Variants in JARID2 observed in about 807,000 individuals in gnomAD.
JARID2 encodes the protein jumonji and AT-rich interaction domain containing 2, also known as protein Jumonji.
A neutral mutation model predicts 125.6 loss-of-function variants in JARID2; 21 were observed. The ratio of observed to expected loss-of-function variants is 0.17; its 90% CI spans 0.12 to 0.24. JARID2 has a LOEUF of 0.24. Ranked by LOEUF, JARID2 falls within the 10% of genes least tolerant of loss-of-function variation. The probability of loss-of-function intolerance (pLI) is 1.00; values close to 1 mark genes in which losing one functional copy is unlikely to be tolerated. For synonymous variants in JARID2, 736 were observed against 661.6 expected, an observed-to-expected ratio of 1.11 and a Z score of -1.73; for missense variants, 1,303 against 1,639.6, an observed-to-expected ratio of 0.79 and a Z score of 3.55.
intron 4 of JARID2, among the ~76,000 whole-genome samples, chr6:15,461,681 G>A (rs984403915): frequency 7.9e-5 from 12 of 152,104 alleles, no homozygotes; most frequent in African/African-American, 2.9e-4. Flanking sequence ...TTATACCTAT[G>A]AGCATAATAA....
chr6:15,456,482 GTTA>G (rs1768181687), intron 4 of JARID2, among the ~76,000 whole-genome samples: 1 of 152,062 alleles, frequency 6.6e-6, no homozygotes, highest in Non-Finnish European at 1.5e-5. Context: ...AATAGGCTTT[GTTA>G]TTTGTTTTTC....
At chr6:15,406,802 G>A (rs539732599) in intron 2 of JARID2, among the ~76,000 whole-genome samples, 1 of 152,322 alleles carries the variant, frequency 6.6e-6, no homozygotes, top group Admixed American at 6.5e-5. Flanking sequence ...TGAGAGGGTG[G>A]TTGGGGAGAA....
chr6:15,271,726 A>G (rs1561759857), intron 1 of JARID2, among the ~76,000 whole-genome samples: 1 of 152,082 alleles, frequency 6.6e-6, no homozygotes, highest in East Asian at 1.9e-4. Flanking sequence ...CGGGCCAAGC[A>G]CAGTGGCTCA....
chr6:15,427,423 T>G (rs573975896), intron 3 of JARID2, among the ~76,000 whole-genome samples: 94 of 152,152 alleles, frequency 6.2e-4, no homozygotes, highest in Admixed American at 1.2e-3. Context: ...TTTTTATTAC[T>G]GCAGTGGCCA....
intron 2 of JARID2, among the ~76,000 whole-genome samples, chr6:15,385,116 A>G (rs1037048948): frequency 2.6e-5 from 4 of 152,172 alleles, no homozygotes; most frequent in Admixed American, 2.0e-4. Flanking sequence ...AAAGCGAAAT[A>G]TCCTCATGGC....
intron 3 of JARID2, among the ~76,000 whole-genome samples, chr6:15,427,940 A>G (rs1420733063): frequency 6.6e-6 from 1 of 151,540 alleles, no homozygotes; most frequent in Non-Finnish European, 1.5e-5. Flanking sequence ...TTGACTGCCT[A>G]GTGCAATTGC....
chr6:15,337,845 A>G (rs1259223728), intron 1 of JARID2, among the ~76,000 whole-genome samples: 2 of 152,322 alleles, frequency 1.3e-5, no homozygotes, highest in South Asian at 2.1e-4. Context: ...CTACACAGAT[A>G]CAAACAGCCT....
chr6:15,377,696 CT>C (rs113284171), intron 2 of JARID2, among the ~76,000 whole-genome samples: 126 of 145,968 alleles, frequency 8.6e-4, no homozygotes, highest in East Asian at 1.2e-3. Context: ...CATGGTGGCA[CT>C]TTTTTTTTTT....
chr6:15,398,906 T>C (rs1765316444), intron 2 of JARID2, among the ~76,000 whole-genome samples: 1 of 152,220 alleles, frequency 6.6e-6, no homozygotes, highest in African/African-American at 2.4e-5. Flanking sequence ...TTTCTACTTT[T>C]CTTACCAACC....
chr6:15,485,531 A>G (rs1396436247), intron 5 of JARID2, among the ~76,000 whole-genome samples: 2 of 142,922 alleles, frequency 1.4e-5, no homozygotes, highest in Non-Finnish European at 2.9e-5. Context: ...CTTATCTTAC[A>G]TATTCTTAGC....
At chr6:15,278,862 C>G (rs1419257116) in intron 1 of JARID2, among the ~76,000 whole-genome samples, 1 of 152,030 alleles carries the variant, frequency 6.6e-6, no homozygotes, top group South Asian at 2.1e-4. Flanking sequence ...TGAGGTCAGG[C>G]GTTCGAGATT....
At chr6:15,380,680 C>G (rs866752413) in intron 2 of JARID2, among the ~76,000 whole-genome samples, 28 of 152,180 alleles carry the variant, frequency 1.8e-4, no homozygotes, top group African/African-American at 6.5e-4. Flanking sequence ...CCAACACCCC[C>G]CAAGCCCCCT....
intron 2 of JARID2, among the ~76,000 whole-genome samples, chr6:15,402,575 C>T (rs1317203880): frequency 6.6e-6 from 1 of 152,120 alleles, no homozygotes; most frequent in Non-Finnish European, 1.5e-5. Flanking sequence ...AAAAAAATGC[C>T]CTTGTGTTTC....
chr6:15,461,478 G>C (rs1474588), intron 4 of JARID2, among the ~76,000 whole-genome samples: 61,025 of 151,994 alleles, frequency 0.4, 12,499 homozygotes, highest in African/African-American at 0.48. Flanking sequence ...GACTGGCCAT[G>C]CATCTAGGAG....
intron 1 of JARID2, among the ~76,000 whole-genome samples, chr6:15,345,344 A>G (rs180925932): frequency 6.6e-6 from 1 of 152,212 alleles, no homozygotes; most frequent in East Asian, 1.9e-4. Context: ...CAACTCTGAT[A>G]TGGAAACCTG....
In JARID2 at chr6:15,357,056, A is replaced by T. The variant is rs546983273; in HGVS notation, c.46-17061A>T. On this transcript the variant is annotated intron_variant, in intron 1 of 17. Transcript: ENST00000341776. ...CAACAAAAAACTTTGTTCGTTTCAC[A>T]GTTACTTGGCTATGTGTTCTAAGTA... Among the ~76,000 whole-genome samples, 6 of 152,306 alleles carry T rather than the reference A, an allele frequency of 3.9e-5. No homozygotes were observed. In the East Asian group the frequency reaches 1.2e-3, roughly 29 times the overall value.
chr6:15,437,809 A>AAAAAG (rs1015903155), intron 3 of JARID2, among the ~76,000 whole-genome samples: 1 of 152,112 alleles, frequency 6.6e-6, no homozygotes, highest in Non-Finnish European at 1.5e-5. Flanking sequence ...TCTCAAAAAA[A>AAAAAG]AAAAGAAAGA....
intron 7 of JARID2, among the ~76,000 whole-genome samples, chr6:15,499,310 C>T (rs971137066): frequency 2.8e-4 from 43 of 152,326 alleles, no homozygotes; most frequent in African/African-American, 1.9e-4. Flanking sequence ...AGGGAGCCGC[C>T]GTGCCGCTGG....
At chr6:15,294,202 T>G (rs1761325601) in intron 1 of JARID2, among the ~76,000 whole-genome samples, 1 of 152,132 alleles carries the variant, frequency 6.6e-6, no homozygotes, top group South Asian at 2.1e-4. Flanking sequence ...CTTTTTTTCT[T>G]TTTTTGAGAT....
Sources: gnomAD v4.1 joint callset for allele counts (sites outside exome capture counted in the v4.1 genomes callset) on GRCh38, gnomAD v4.1.1 for gene constraint, MANE v1.5 for transcripts, NCBI Gene and HGNC (gene_info 2026-07-23, HGNC 2026-07-21) for gene names.